The following CECR2 variants were observed in gnomAD, a reference collection of about 807,000 sequenced individuals.
CECR2 encodes the protein chromatin remodeling regulator CECR2.
CECR2 carries 30 observed loss-of-function variants against 154.5 expected under a neutral mutation model. That is an observed-to-expected ratio of 0.19 (90% CI 0.15 to 0.26). The LOEUF is 0.26. Ranked by LOEUF, CECR2 falls within the 10% of genes least tolerant of loss-of-function variation. CECR2 has a pLI of 1.00. For missense variants in CECR2, 1,743 were observed against 1,829.3 expected (o/e 0.95, Z 0.86); for synonymous variants, 725 against 683.7 (o/e 1.06, Z -0.94).
At chr22:17,444,010 C>T (rs1046725360) in intron 1 of CECR2, among the ~76,000 whole-genome samples, 6 of 152,292 alleles carry the variant, frequency 3.9e-5, no homozygotes, top group Admixed American at 2.0e-4. Context: ...ATTAATTAAA[C>T]TCTCTAGGCT....
intron 1 of CECR2, among the ~76,000 whole-genome samples, chr22:17,466,598 CTTT>C (rs1555913227): frequency 7.1e-6 from 1 of 140,168 alleles, no homozygotes. Context: ...AAAACCTTGC[CTTT>C]TTTTTTTTTT....
At chr22:17,420,631 TTGTTG>T (rs1404861931) in intron 1 of CECR2, among the ~76,000 whole-genome samples, 1 of 152,242 alleles carries the variant, frequency 6.6e-6, no homozygotes, top group Non-Finnish European at 1.5e-5. Context: ...TGAGTCCACT[TTGTTG>T]TGTTGTTTTC....
chr22:17,550,931 G>A (rs1039382349), intron 17 of CECR2, among the ~76,000 whole-genome samples: 33 of 151,796 alleles, frequency 2.2e-4, no homozygotes, highest in African/African-American at 7.7e-4. Context: ...AACAGAGCAA[G>A]ACTCTGTCTC....
At chr22:17,414,244 T>C (rs5992685) in intron 1 of CECR2, among the ~76,000 whole-genome samples, 4,788 of 152,302 alleles carry the variant, frequency 0.031, 242 homozygotes, top group African/African-American at 0.11. Flanking sequence ...AGTGCTGGGA[T>C]TACAGGCGTG....
chr22:17,424,943 C>T (rs549167816), intron 1 of CECR2, among the ~76,000 whole-genome samples: 1 of 152,316 alleles, frequency 6.6e-6, no homozygotes, highest in South Asian at 2.1e-4. Flanking sequence ...TGCCAGACAA[C>T]AGAGAGGTCG....
At chr22:17,440,575 A>G (rs1367040904) in intron 1 of CECR2, among the ~76,000 whole-genome samples, 1 of 152,206 alleles carries the variant, frequency 6.6e-6, no homozygotes, top group East Asian at 1.9e-4. Context: ...CACACTGTCT[A>G]TTCCCTGTCT....
At chr22:17,405,051 T>TTTA (rs1362272522) in intron 1 of CECR2, among the ~76,000 whole-genome samples, 1 of 152,210 alleles carries the variant, frequency 6.6e-6, no homozygotes, top group Non-Finnish European at 1.5e-5. Flanking sequence ...ACTCTTTAGG[T>TTTA]ATCTCCCATC....
Position 17,459,482 on chromosome 22 carries a change from T to G in CECR2, c.127-18106T>G, listed in dbSNP as rs1016858685. ...AATTTTTTGTGTGTGTTTTTTTTTGTTTTTGGTTTTTGTAAAGACAGAGTT... is the reference window on the plus strand; with the variant it reads ...AATTTTTTGTGTGTGTTTTTTTTTGGTTTTGGTTTTTGTAAAGACAGAGTT... On this transcript the variant is annotated intron_variant, in intron 1 of 18. Transcript: ENST00000262608. Among the ~76,000 whole-genome samples the G allele has an allele frequency of 8.6e-5, 13 of 151,990 alleles. No individual in the cohort carries two copies. The South Asian group carries it at 1.7e-3, about 19-fold the overall frequency.
chr22:17,543,046 A>G, intron 16 of CECR2, 43 bp downstream of exon 16: 1 of 1,540,748 alleles, frequency 6.5e-7, no homozygotes, highest in Non-Finnish European at 8.8e-7. Context: ...CTCTTGTTTC[A>G]TGAGTAATCT....
At chr22:17,441,000 C>T (rs750552848) in intron 1 of CECR2, among the ~76,000 whole-genome samples, 6 of 152,232 alleles carry the variant, frequency 3.9e-5, no homozygotes, top group Non-Finnish European at 7.4e-5. Context: ...CTCTGTCACC[C>T]AGACTGGAGT....
At chr22:17,388,655 C>G (rs1373315427) in intron 1 of CECR2, among the ~76,000 whole-genome samples, 1 of 152,160 alleles carries the variant, frequency 6.6e-6, no homozygotes, top group East Asian at 1.9e-4. Context: ...ACGGAGAACA[C>G]TGAGTCAGGA....
At chr22:17,364,187 C>CA (rs1355654043) in intron 1 of CECR2, among the ~76,000 whole-genome samples, 1 of 151,390 alleles carries the variant, frequency 6.6e-6, no homozygotes, top group South Asian at 2.1e-4. Flanking sequence ...ACTAAAAATA[C>CA]AAAAAATTAG....
chr22:17,429,722 G>A (rs2054392542), intron 1 of CECR2, among the ~76,000 whole-genome samples: 1 of 152,156 alleles, frequency 6.6e-6, no homozygotes, highest in African/African-American at 2.4e-5. Flanking sequence ...GTTGATGGTG[G>A]GAGGGACAGA....
chr22:17,507,178 T>C (rs1426328768), intron 7 of CECR2, among the ~76,000 whole-genome samples: 1 of 152,110 alleles, frequency 6.6e-6, no homozygotes, highest in Non-Finnish European at 1.5e-5. Flanking sequence ...TCTGGTGCTG[T>C]GTCTAACCCT....
chr22:17,374,599 A>G (rs5992676), intron 1 of CECR2, among the ~76,000 whole-genome samples: 2,107 of 152,274 alleles, frequency 0.014, 51 homozygotes, highest in African/African-American at 0.048. Context: ...GTTGGCCCCA[A>G]TTAGGGGTTC....
Position 17,548,931 on chromosome 22 carries a change from C to T in CECR2, c.3644C>T (p.Pro1215Leu). 6.2e-7 allele frequency: 1 copy of T among 1,613,822 alleles called. No homozygotes were observed. Among genetic ancestry groups the T allele is most frequent in the Non-Finnish European group, 8.5e-7 (1 of 1,179,818 alleles). The change falls in exon 17 of 19, where the codon CCT (proline) becomes CTT (leucine). Residue 1215 changes from proline (P) to leucine (L), a missense_variant. Pro to Leu is a moderately conservative substitution (Grantham distance 98). Coordinates refer to ENST00000262608, the MANE Select transcript of CECR2 (RefSeq NM_001290047.2). ...CAGAGCTTTTCTGACTGGCAGAGAC[C>T]TCTCCATCCCCAGGGAAGCCCAAGC... ...CPQSFSDWQR[P>L]LHPQGSPSGP...
chr22:17,531,689 A>C (rs556701742), intron 9 of CECR2, among the ~76,000 whole-genome samples: 3 of 152,278 alleles, frequency 2.0e-5, no homozygotes, highest in Non-Finnish European at 1.5e-5. Flanking sequence ...TTGATGAAAA[A>C]CCCTGATCCT....
At position 17,480,459 on chromosome 22, in the gene CECR2, C is replaced by CACACAG. The variant is rs373106595; in HGVS notation, c.221+2778_221+2779insCACAGA. On this transcript the variant is annotated intron_variant, in intron 2 of 18. Transcript: ENST00000262608. ...ACACACACACACACACACACACACA[C>CACACAG]AGAGAAAAGTGCTCATTTCCTAATT... Among the ~76,000 whole-genome samples the CACACAG allele has an allele frequency of 3.9e-3, 565 of 143,770 alleles. 1 individual carries two copies. Among genetic ancestry groups the CACACAG allele is most frequent in the East Asian group, 8.5e-3 (43 of 5,066 alleles). 94.3% of individuals were successfully genotyped at this position (143,770 alleles called of 152,430 possible).
intron 1 of CECR2, among the ~76,000 whole-genome samples, chr22:17,421,505 C>G (rs916046854): frequency 6.8e-6 from 1 of 146,182 alleles, no homozygotes; most frequent in Non-Finnish European, 1.5e-5. Context: ...GTCCCAGCTA[C>G]TTGGGAGGCT....
Sources: allele counts gnomAD v4.1 joint callset (sites outside exome capture counted in the v4.1 genomes callset), GRCh38; gene constraint gnomAD v4.1.1; transcripts MANE v1.5; gene names NCBI Gene and HGNC (gene_info 2026-07-23, HGNC 2026-07-21).